The following CAPN8 variants were observed in gnomAD, a reference collection of about 807,000 sequenced individuals.
CAPN8 encodes calpain-8.
In CAPN8, 87 loss-of-function variants were observed where a neutral mutation model predicts 80.9. The ratio of observed to expected loss-of-function variants is 1.07; its 90% CI spans 0.90 to 1.28. The LOEUF (loss-of-function observed/expected upper bound fraction) is 1.28. Among genes scored for constraint, CAPN8 ranks in the 50% most tolerant of loss-of-function variants. The pLI, the probability that CAPN8 is intolerant of heterozygous loss-of-function variation, is 0.00. For missense variants in CAPN8, 757 were observed against 702.0 expected (o/e 1.08, Z -0.89); for synonymous variants, 299 against 273.8 (o/e 1.09, Z -0.91).
chr1:223,626,843 G>C, intron 5 of CAPN8, 146 bp downstream of exon 5: 3 of 768,888 alleles, frequency 3.9e-6, no homozygotes, highest in Non-Finnish European at 6.1e-6. Flanking sequence ...TCAGGCCTTT[G>C]TGTCACTAGA....
intron 2 of CAPN8, among the ~76,000 whole-genome samples, chr1:223,646,076 G>A (rs1229118452): frequency 6.6e-6 from 1 of 152,158 alleles, no homozygotes; most frequent in African/African-American, 2.4e-5. Flanking sequence ...TCTGCCAGCT[G>A]GTGAGGGATT....
At chr1:223,630,039 G>A (rs552565139) in intron 2 of CAPN8, among the ~76,000 whole-genome samples, 1 of 152,244 alleles carries the variant, frequency 6.6e-6, no homozygotes, top group South Asian at 2.1e-4. Context: ...ACATATTCTA[G>A]GTGTGAACAC....
intron 4 of CAPN8, among the ~76,000 whole-genome samples, chr1:223,627,629 G>A (rs1657628532): frequency 1.3e-5 from 2 of 152,238 alleles, no homozygotes; most frequent in Admixed American, 6.5e-5. Context: ...AACTCCTGAG[G>A]AAAGAGCAGA....
chr1:223,649,540 T>C (rs1238479750), intron 2 of CAPN8, among the ~76,000 whole-genome samples: 1 of 152,196 alleles, frequency 6.6e-6, no homozygotes, highest in African/African-American at 2.4e-5. Context: ...CCCAGCAGTG[T>C]CGGCAAGCTG....
At chr1:223,612,377 A>G in intron 10 of CAPN8, 120 bp from the exon 11 acceptor site, 1 of 865,394 alleles carries the variant, frequency 1.2e-6, no homozygotes, top group East Asian at 3.4e-5. Context: ...CTGAGGAGAC[A>G]TTTGTGCTAA....
chr1:223,627,062 T>A lies in CAPN8; in HGVS notation c.656A>T (p.Lys219Ile). The A allele has an allele frequency of 6.4e-7, 1 of 1,551,850 alleles. No homozygotes were observed. Among genetic ancestry groups the A allele is most frequent in the Non-Finnish European group, 8.7e-7 (1 of 1,147,020 alleles). Residue 219 changes from lysine (K) to isoleucine (I), a missense_variant, in exon 5 of 21, where the codon AAA becomes ATA. Physicochemically the swap from Lys to Ile is moderately radical, Grantham distance 102. Coordinates refer to ENST00000366872, the MANE Select transcript of CAPN8 (RefSeq NM_001143962.2). The stretch of plus-strand genomic sequence containing the variant: ...GATCTGATATAGATTGGCTGGTGGT[T>A]TCTTCAGGTCATAAAACTCAGAGAT... Reference protein sequence around the residue: ...GGISEFYDLKKPPANLYQIIR... With the variant: ...GGISEFYDLKIPPANLYQIIR...
chr1:223,610,000 T>A (rs1479462200), intron 11 of CAPN8, among the ~76,000 whole-genome samples: 1 of 152,184 alleles, frequency 6.6e-6, no homozygotes, highest in African/African-American at 2.4e-5. Context: ...CAAGACCCAC[T>A]TATTTGTTGC....
chr1:223,658,305 G>A (rs1164351454), intron 1 of CAPN8, among the ~76,000 whole-genome samples: 1 of 152,180 alleles, frequency 6.6e-6, no homozygotes, highest in Admixed American at 6.5e-5. Flanking sequence ...TTGGAAGACA[G>A]AGTCATTGGC....
At chr1:223,623,562 C>A (rs1202648138) in intron 6 of CAPN8, among the ~76,000 whole-genome samples, 2 of 152,254 alleles carry the variant, frequency 1.3e-5, no homozygotes, top group Non-Finnish European at 2.9e-5. Flanking sequence ...TGCACACACA[C>A]TGGCATTCAC....
At chr1:223,632,869 G>C (rs1657812242) in intron 2 of CAPN8, among the ~76,000 whole-genome samples, 1 of 152,220 alleles carries the variant, frequency 6.6e-6, no homozygotes, top group Admixed American at 6.5e-5. Flanking sequence ...TTTAGGGAAG[G>C]TTTCCATGTC....
At chr1:223,653,720 G>A (rs1571739480) in intron 2 of CAPN8, among the ~76,000 whole-genome samples, 2 of 152,106 alleles carry the variant, frequency 1.3e-5, no homozygotes, top group Non-Finnish European at 2.9e-5. Flanking sequence ...AATCAATAAA[G>A]CTCATCTGCC....
chr1:223,636,919 G>A (rs985444707), intron 2 of CAPN8, among the ~76,000 whole-genome samples: 8 of 151,290 alleles, frequency 5.3e-5, no homozygotes, highest in Admixed American at 2.6e-4. Context: ...TCTGGGACCC[G>A]CTTTCTGTTT....
chr1:223,639,175 G>T (rs2102723414), intron 2 of CAPN8, among the ~76,000 whole-genome samples: 1 of 152,308 alleles, frequency 6.6e-6, no homozygotes, highest in Non-Finnish European at 1.5e-5. Context: ...GGGAGGCAGA[G>T]GTTGCAGTGA....
intron 16 of CAPN8, among the ~76,000 whole-genome samples, chr1:223,548,591 A>C (rs1417878545): frequency 6.6e-6 from 1 of 152,176 alleles, no homozygotes; most frequent in Non-Finnish European, 1.5e-5. Flanking sequence ...CTACCATGTG[A>C]AGTTATAGCA....
intron 16 of CAPN8, among the ~76,000 whole-genome samples, chr1:223,548,369 C>A (rs950850115): frequency 1.3e-5 from 2 of 152,202 alleles, no homozygotes; most frequent in African/African-American, 4.8e-5. Flanking sequence ...ACCTAGAATG[C>A]CCTGACCTTC....
Position 223,541,861 on chromosome 1 carries a change from T to C in CAPN8, c.2089-2A>G. On this transcript the variant is annotated splice_acceptor_variant, in intron 20 of 20. Coordinates refer to ENST00000366872, the MANE Select transcript of CAPN8 (RefSeq NM_001143962.2). LOFTEE classifies it high-confidence loss of function. ...TCAGACCAACACGCAGCACAGCCAC[T>C]GCAAAGGAAAGGGACAAGATTGAGT... is the stretch of plus-strand genomic sequence containing the variant. 7 of 1,540,482 alleles carry C rather than the reference T, an allele frequency of 4.5e-6. No individual in the cohort carries two copies. Among genetic ancestry groups the C allele is most frequent in the Non-Finnish European group, 6.1e-6 (7 of 1,144,358 alleles).
Position 223,661,074 on chromosome 1 carries a change from G to A in CAPN8, c.237+4336C>T, listed in dbSNP as rs144117426. On this transcript the variant is annotated intron_variant, in intron 1 of 20. Coordinates refer to ENST00000366872, the MANE Select transcript of CAPN8 (RefSeq NM_001143962.2). The stretch of plus-strand genomic sequence containing the variant: ...ACAGTTACTTGGGAGGCTGGGACAC[G>A]AGAATCACTTGATTCTAGGAGGCAG... Among the ~76,000 whole-genome samples, 17 of 151,752 alleles carry A rather than the reference G, an allele frequency of 1.1e-4. No individual in the cohort carries two copies. The East Asian group carries it at 2.7e-3, about 24-fold the overall frequency.
chr1:223,659,883 G>A (rs998330711), intron 1 of CAPN8, among the ~76,000 whole-genome samples: 14 of 152,108 alleles, frequency 9.2e-5, no homozygotes, highest in African/African-American at 3.1e-4. Context: ...TCTACCTGAC[G>A]CACGAGCTCA....
chr1:223,658,814 A>G (rs1421225831), intron 1 of CAPN8, among the ~76,000 whole-genome samples: 1 of 152,166 alleles, frequency 6.6e-6, no homozygotes, highest in East Asian at 1.9e-4. Context: ...TCAAAAAAGA[A>G]AAAGAAAAAG....
Sources: gnomAD v4.1 joint callset for allele counts (sites outside exome capture counted in the v4.1 genomes callset) on GRCh38, gnomAD v4.1.1 for gene constraint, MANE v1.5 for transcripts, NCBI Gene and HGNC (gene_info 2026-07-23, HGNC 2026-07-21) for gene names.